The following DOCK6 variants were observed in gnomAD, a reference collection of about 807,000 sequenced individuals.
DOCK6 encodes the protein dedicator of cytokinesis 6.
Under a neutral mutation model 230.3 loss-of-function variants are expected in DOCK6, and 167 were observed. The observed-to-expected ratio is 0.73, with a 90% CI of 0.64 to 0.82. The LOEUF (loss-of-function observed/expected upper bound fraction) is 0.82. DOCK6 is among the 40% of genes least tolerant of loss of function. The probability of loss-of-function intolerance (pLI) is 0.00; values close to 1 mark genes in which losing one functional copy is unlikely to be tolerated. For synonymous variants in DOCK6, 1,148 were observed against 1,185.0 expected, an observed-to-expected ratio of 0.97 and a Z score of 0.64; for missense variants, 2,598 against 2,825.8, an observed-to-expected ratio of 0.92 and a Z score of 1.83.
chr19:11,234,623 C>A (rs1264710350), intron 21 of DOCK6, among the ~76,000 whole-genome samples: 1 of 143,850 alleles, frequency 7.0e-6, no homozygotes, highest in East Asian at 2.0e-4. Flanking sequence ...CTATTATTAT[C>A]CCTGTTTTAC....
At position 11,208,707 on chromosome 19, in the gene DOCK6, C is replaced by T. The variant is rs747824885; in HGVS notation, c.5067G>A (p.Gln1689=). Residue 1689 remains glutamine (Q), a synonymous_variant, in exon 39 of 48, where the codon CAG becomes CAA. Transcript: ENST00000294618. Reference sequence around the variant, plus strand: ...TCACCATGGTGAAGTAGCCGGCTGCCTGTTCCAGCAACCCTACCAGCCCCA... The same window carrying T: ...TCACCATGGTGAAGTAGCCGGCTGCTTGTTCCAGCAACCCTACCAGCCCCA... ...TELGLVGLLE[Q]AAGYFTMGGL... is the part of the protein sequence containing the mutation. 7 of 1,612,000 alleles carry T rather than the reference C, an allele frequency of 4.3e-6. No individual in the cohort carries two copies. The highest frequency in any genetic ancestry group is 5.1e-6 in the Non-Finnish European group (6 of 1,178,368).
chr19:11,238,093 C>G lies in DOCK6; in HGVS notation c.1784G>C (p.Cys595Ser). 6.2e-7 allele frequency: 1 copy of G among 1,613,986 alleles called. No homozygotes were observed. ...GAAGGCCTCGCGGGTAAATTCACTG[C>G]AGCTGGACTTGCCAAAGATGACCTG... ...ALPVIFGKSS[C>S]SEFTREAFTP... Residue 595 changes from cysteine to serine, a missense_variant, in exon 16 of 48, where the codon TGC (cysteine) becomes TCC (serine). By Grantham distance (112) the Cys-to-Ser change is moderately radical (BLOSUM62 -1). Transcript: ENST00000294618.
At chr19:11,213,101 C>T in intron 35 of DOCK6, 75 bp downstream of exon 35, 1 of 1,538,864 alleles carries the variant, frequency 6.5e-7, no homozygotes, top group Non-Finnish European at 8.8e-7. Flanking sequence ...CTCCCTCACT[C>T]CCTGTATGGT....
intron 21 of DOCK6, among the ~76,000 whole-genome samples, chr19:11,234,516 A>T (rs2079816984): frequency 6.6e-6 from 1 of 152,168 alleles, no homozygotes; most frequent in Admixed American, 6.5e-5. Context: ...TTAAAAAAAA[A>T]AAAAAATCCA....
intron 28 of DOCK6, among the ~76,000 whole-genome samples, chr19:11,220,198 C>A (rs554311609): frequency 6.6e-6 from 1 of 152,220 alleles, no homozygotes; most frequent in African/African-American, 2.4e-5. Flanking sequence ...AGGTGATCCA[C>A]CTGCCTCGGC....
rs776314877 is a variant in DOCK6 at position 11,238,007 on chromosome 19, T to C, written c.1832+38A>G. On this transcript the variant is annotated intron_variant, in intron 16 of 47. Coordinates refer to ENST00000294618, the MANE Select transcript of DOCK6 (RefSeq NM_020812.4). ...TATAAGGGACATCCTCCTACCCCCA[T>C]GAGTGCCCCCAAGTTCCTCACGTGT... The C allele has an allele frequency of 2.5e-6, 4 of 1,601,892 alleles. No individual in the cohort carries two copies. The South Asian group carries it at 4.4e-5, about 18-fold the overall frequency.
At chr19:11,216,464 G>A (rs537119900) in intron 30 of DOCK6, among the ~76,000 whole-genome samples, 13 of 151,306 alleles carry the variant, frequency 8.6e-5, no homozygotes, top group African/African-American at 3.2e-4. Flanking sequence ...CTGGTGTGCA[G>A]TGGCACAATC....
chr19:11,243,936 C>A lies in DOCK6; in HGVS notation c.1024-54G>T. On this transcript the variant is annotated intron_variant, in intron 9 of 47. Transcript: ENST00000294618. This position sits in a 1 kb window ranked among gnomAD's most constrained non-coding sequence, Gnocchi z 6.3. ...GGCGCTGCCCGAACGCTCTGTTCCC[C>A]CGTGCTGGCTCCCCAGCCTCCTGGA... 1 of 1,555,220 alleles carries A rather than the reference C, an allele frequency of 6.4e-7. No individual in the cohort carries two copies. Among genetic ancestry groups the A allele is most frequent in the African/African-American group, 1.4e-5 (1 of 73,464 alleles).
At chr19:11,257,046 G>A (rs868594946) in intron 1 of DOCK6, among the ~76,000 whole-genome samples, 52 of 151,700 alleles carry the variant, frequency 3.4e-4, no homozygotes, top group Middle Eastern at 3.4e-3. Flanking sequence ...GAATGCAGTG[G>A]TGCAATCACG....
rs889590670 is a variant in DOCK6, at chr19:11,243,954, C to T, written c.1024-72G>A. The T allele has an allele frequency of 8.0e-6, 12 of 1,504,244 alleles. No homozygotes were observed. The Admixed American group carries it at 1.6e-4, about 20-fold the overall frequency. The allele number at this position is 1,504,244 out of a possible 1,614,324, so 93.2% of individuals were successfully genotyped here. ...TGTTCCCCCGTGCTGGCTCCCCAGC[C>T]TCCTGGACCCCTCATGGGCCCTCGG... On this transcript the variant is annotated intron_variant, in intron 9 of 47. Coordinates refer to ENST00000294618, the MANE Select transcript of DOCK6 (RefSeq NM_020812.4). The surrounding 1 kb of genome is among the most constrained non-coding windows in gnomAD (Gnocchi z 6.3).
chr19:11,204,099 T>TG lies in DOCK6; in HGVS notation c.5221-5dup. ...GACTCACCTCCCAGCCGGAACTCTG[T>TG]GGGGAAGAGAAGGGTCAAGGTCAGC... On this transcript the variant is annotated splice_polypyrimidine_tract_variant and splice_region_variant and intron_variant, in intron 40 of 47. Transcript: ENST00000294618. 1 of 1,528,032 alleles carries TG rather than the reference T, an allele frequency of 6.5e-7. No individual in the cohort carries two copies. Among genetic ancestry groups the TG allele is most frequent in the Non-Finnish European group, 8.8e-7 (1 of 1,136,856 alleles). The allele number at this position is 1,528,032 out of a possible 1,614,324, so 94.7% of individuals were successfully genotyped here. A position where few individuals can be genotyped will look rare whatever the true frequency, so the allele number is the denominator to read the frequency against.
At position 11,215,803 on chromosome 19, in the gene DOCK6, C is replaced by T. The variant is rs558654486; in HGVS notation, c.4019G>A (p.Arg1340His). The T allele has an allele frequency of 2.2e-5, 36 of 1,613,974 alleles. No homozygotes were observed. The highest frequency in any genetic ancestry group is 2.8e-5 in the Non-Finnish European group (33 of 1,179,876). ...ACGTGGGTATGTCACCCTCTTACCA[C>T]GACTTCGCCGAACCATTTCTTGTCG... ...GARQEMVRRS[R>H]ERSPFGNPEN... Residue 1340 changes from arginine to histidine, a missense_variant and splice_region_variant, in exon 31 of 48, where the codon CGT (arginine) becomes CAT (histidine). Transcript: ENST00000294618.
intron 24 of DOCK6, among the ~76,000 whole-genome samples, chr19:11,225,933 C>G (rs750683503): frequency 4.0e-5 from 6 of 150,308 alleles, no homozygotes; most frequent in Non-Finnish European, 7.4e-5. Flanking sequence ...GTCACAGCTA[C>G]TTGGGAGGCT....
chr19:11,231,260 A>G (rs749240101), intron 22 of DOCK6, among the ~76,000 whole-genome samples: 2 of 152,050 alleles, frequency 1.3e-5, no homozygotes, highest in Non-Finnish European at 2.9e-5. Flanking sequence ...CAATATTTGT[A>G]CATGCCTTTC....
intron 22 of DOCK6, chr19:11,229,536 G>C (rs1568240972): frequency 4.0e-6 from 1 of 252,284 alleles, no homozygotes; most frequent in South Asian, 1.4e-4. Flanking sequence ...CTTCCACATG[G>C]ATGGACCAGG....
Position 11,253,666 on chromosome 19 carries a change from G to A in DOCK6, c.105C>T (p.Ser35=). ...CCAGGGAGCTGCTGCAGCGCCTGCT[G>A]GAGTGGGGGGAGCCACTGCGTTCCC... ...VSRERSGSPH[S]SRRCSSSLGV... Residue 35 remains serine, a synonymous_variant, in exon 2 of 48, where the codon TCC becomes TCT. Transcript: ENST00000294618. The A allele has an allele frequency of 6.8e-7, 1 of 1,460,290 alleles. No homozygotes were observed. The highest frequency in any genetic ancestry group is 9.0e-7 in the Non-Finnish European group (1 of 1,112,612). The allele number at this position is 1,460,290 out of a possible 1,614,324, so 90.5% of individuals were successfully genotyped here. A position where few individuals can be genotyped will look rare whatever the true frequency, so the allele number is the denominator to read the frequency against.
chr19:11,239,802 C>T, intron 14 of DOCK6: 1 of 1,607,498 alleles, frequency 6.2e-7, no homozygotes, highest in Admixed American at 1.7e-5. Flanking sequence ...TGTACAGGAC[C>T]ACGGAGGGAC....
chr19:11,252,110 C>T lies in DOCK6; in HGVS notation c.507+9G>A. The T allele has an allele frequency of 6.3e-7, 1 of 1,586,086 alleles. No homozygotes were observed. Among genetic ancestry groups the T allele is most frequent in the Non-Finnish European group, 8.6e-7 (1 of 1,167,106 alleles). On this transcript the variant is annotated intron_variant, in intron 5 of 47. Transcript: ENST00000294618. Reference sequence around the variant, plus strand: ...CCCCTTCAGTGACCCCAGCCAGGGGCTTCCTCACCGAGTCCTCAGGGCCGG... The same window carrying T: ...CCCCTTCAGTGACCCCAGCCAGGGGTTTCCTCACCGAGTCCTCAGGGCCGG...
At chr19:11,220,022 C>T (rs1049194015) in intron 28 of DOCK6, among the ~76,000 whole-genome samples, 8 of 151,592 alleles carry the variant, frequency 5.3e-5, no homozygotes, top group South Asian at 2.1e-4. Flanking sequence ...GGCACAATCT[C>T]GGCTCACTGC....
Sources: allele counts gnomAD v4.1 joint callset (sites outside exome capture counted in the v4.1 genomes callset), GRCh38; gene constraint gnomAD v4.1.1; non-coding constraint Gnocchi (gnomAD v3.1); transcripts MANE v1.5; gene names NCBI Gene and HGNC (gene_info 2026-07-23, HGNC 2026-07-21).